Variants in ZNF90 observed in about 807,000 individuals in gnomAD.
The protein encoded by ZNF90 is zinc finger protein HTF9.
A neutral mutation model predicts 12.0 loss-of-function variants in ZNF90; 11 were observed. The observed-to-expected ratio is 0.92, with a 90% CI of 0.58 to 1.52. The LOEUF (loss-of-function observed/expected upper bound fraction) is 1.52. ZNF90 is among the 40% of genes most tolerant of loss of function. ZNF90 has a pLI of 0.00. For missense variants in ZNF90, 765 were observed against 711.5 expected (o/e 1.08, Z -0.86); for synonymous variants, 232 against 240.1 (o/e 0.97, Z 0.31).
intron 3 of ZNF90, among the ~76,000 whole-genome samples, chr19:20,111,736 T>G (rs1427821651): frequency 6.6e-6 from 1 of 152,202 alleles, no homozygotes; most frequent in Non-Finnish European, 1.5e-5. Flanking sequence ...ACATACATCT[T>G]AAAGTTAAAA....
rs1276463658 is a variant in ZNF90, at chr19:20,121,068, CAT to C, written c.*1709_*1710del. ...TAGTGTTCAGAGTAATACTTTTCTACATTATAGTGAGAGAAATTATGAATTAC... is the reference window on the plus strand; with the variant it reads ...TAGTGTTCAGAGTAATACTTTTCTACTATAGTGAGAGAAATTATGAATTAC... On this transcript the variant is annotated 3_prime_UTR_variant, in exon 4 of 4. Coordinates refer to ENST00000418063, the MANE Select transcript of ZNF90 (RefSeq NM_007138.2). The C allele has an allele frequency of 1.3e-4, 24 of 177,984 alleles. No homozygotes were observed. The highest frequency in any genetic ancestry group is 5.4e-3 in the Middle Eastern group (2 of 368). The allele number at this position is 177,984 out of a possible 1,614,324, so 11.0% of individuals were successfully genotyped here.
chr19:20,118,396 G>C lies in ZNF90; in HGVS notation c.842G>C (p.Gly281Ala). 6.2e-7 allele frequency: 1 copy of C among 1,607,382 alleles called. No homozygotes were observed. ...ACTGCACATAAGAGAATTCATACTG[G>C]AGAGAAACCCTACAAGTGTGATAAA... ...TLTAHKRIHT[G>A]EKPYKCDKCG... The change falls in exon 4 of 4, where the codon GGA (glycine) becomes GCA (alanine). Residue 281 changes from glycine to alanine, a missense_variant. Physicochemically the swap from Gly to Ala is moderately conservative, Grantham distance 60 (BLOSUM62 0). Transcript: ENST00000418063.
chr19:20,112,534 C>T (rs1193992216), intron 3 of ZNF90, among the ~76,000 whole-genome samples: 1 of 151,682 alleles, frequency 6.6e-6, no homozygotes, highest in Non-Finnish European at 1.5e-5. Context: ...GTTGTTTAGG[C>T]TGGTCTCAGA....
At chr19:20,112,480 C>T (rs1282034451) in intron 3 of ZNF90, among the ~76,000 whole-genome samples, 2 of 151,874 alleles carry the variant, frequency 1.3e-5, no homozygotes, top group Non-Finnish European at 2.9e-5. Flanking sequence ...TGCCACCACA[C>T]CTGGGTAATT....
chr19:20,103,040 G>A (rs1193891961), intron 1 of ZNF90, among the ~76,000 whole-genome samples: 1 of 152,184 alleles, frequency 6.6e-6, no homozygotes, highest in Non-Finnish European at 1.5e-5. Flanking sequence ...ACCAGGTCGT[G>A]GGGGTGACAA....
rs1555706053 is a variant in ZNF90 at position 20,118,531 on chromosome 19, C to T, written c.977C>T (p.Ser326Leu). The T allele has an allele frequency of 3.1e-6, 5 of 1,613,380 alleles. No homozygotes were observed. The Admixed American group carries it at 8.3e-5, about 27-fold the overall frequency. ...EECGKAFKLS[S>L]ILSTHKRIHT... ...TGTGGCAAAGCCTTCAAGCTCTCCT[C>T]AATCCTTAGTACACATAAGAGAATC... Residue 326 changes from serine (S) to leucine (L), a missense_variant, in exon 4 of 4, where the codon TCA becomes TTA. Physicochemically the swap from Ser to Leu is moderately radical, Grantham distance 145 (BLOSUM62 -2). Coordinates refer to ENST00000418063, the MANE Select transcript of ZNF90 (RefSeq NM_007138.2).
At chr19:20,080,700 A>G (rs1190278933) in intron 1 of ZNF90, among the ~76,000 whole-genome samples, 6 of 152,144 alleles carry the variant, frequency 3.9e-5, no homozygotes, top group Non-Finnish European at 8.8e-5. Context: ...GGTGTCCCCA[A>G]TTTTCAAACA....
chr19:20,105,002 A>AAAAC (rs1422465202), intron 2 of ZNF90, among the ~76,000 whole-genome samples: 208 of 152,126 alleles, frequency 1.4e-3, no homozygotes, highest in African/African-American at 4.5e-3. Context: ...GAAAAAACAA[A>AAAAC]AAACAAACAA....
At chr19:20,086,034 C>G (rs2088856586) in intron 1 of ZNF90, among the ~76,000 whole-genome samples, 1 of 151,990 alleles carries the variant, frequency 6.6e-6, no homozygotes, top group Non-Finnish European at 1.5e-5. Flanking sequence ...TGTCAGAAAC[C>G]TGATGATCCA....
intron 1 of ZNF90, among the ~76,000 whole-genome samples, chr19:20,088,768 G>T (rs1340890314): frequency 6.6e-6 from 1 of 152,220 alleles, no homozygotes; most frequent in African/African-American, 2.4e-5. Context: ...TGCTAGCAGA[G>T]AAGTCATTAC....
chr19:20,106,044 CTTTTTTTTT>C (rs56933917), intron 3 of ZNF90, among the ~76,000 whole-genome samples: 6 of 71,058 alleles, frequency 8.4e-5, no homozygotes, highest in East Asian at 9.0e-4. Flanking sequence ...CTAATTTTTT[CTTTTTTTTT>C]TTTTTTTTTT....
intron 1 of ZNF90, among the ~76,000 whole-genome samples, chr19:20,090,639 C>G (rs1156280420): frequency 5.3e-5 from 8 of 152,120 alleles, no homozygotes; most frequent in Non-Finnish European, 8.8e-5. Flanking sequence ...GGCTGGCGAT[C>G]TGGAGTAGGT....
At chr19:20,107,530 C>G (rs1215021272) in intron 3 of ZNF90, among the ~76,000 whole-genome samples, 1 of 152,162 alleles carries the variant, frequency 6.6e-6, no homozygotes, top group African/African-American at 2.4e-5. Flanking sequence ...ATGCAGGTCT[C>G]AAAATCCTGG....
intron 1 of ZNF90, among the ~76,000 whole-genome samples, chr19:20,098,934 C>T (rs2122498687): frequency 6.6e-6 from 1 of 152,184 alleles, no homozygotes; most frequent in Middle Eastern, 3.4e-3. Context: ...AATAGATAAG[C>T]TAGTTGCTTC....
At position 20,102,010 on chromosome 19, in the gene ZNF90, A is replaced by T. The variant is rs1443631128; in HGVS notation, c.4-2229A>T. 9.9e-5 allele frequency among the ~76,000 whole-genome samples: 15 copies of T among 152,214 alleles called. 1 individual carries two copies. The highest frequency in any genetic ancestry group is 1.8e-4 in the Non-Finnish European group (12 of 68,046). ...TCCATGTCATAGCTTCTTATATGCC[A>T]TGCAGAATTCTTAGCAAGAATTTAT... On this transcript the variant is annotated intron_variant, in intron 1 of 3. Transcript: ENST00000418063.
At chr19:20,081,048 A>C (rs977486201) in intron 1 of ZNF90, among the ~76,000 whole-genome samples, 3 of 152,148 alleles carry the variant, frequency 2.0e-5, no homozygotes, top group Admixed American at 6.5e-5. Context: ...TTAGAGGAAA[A>C]GAGCTCTGAT....
chr19:20,110,364 T>TTC (rs2089077401), intron 3 of ZNF90, among the ~76,000 whole-genome samples: 5 of 152,140 alleles, frequency 3.3e-5, no homozygotes, highest in Admixed American at 6.5e-5. Context: ...CTGCAACCCC[T>TTC]GCCTCCTGGG....
At position 20,110,317 on chromosome 19, in the gene ZNF90, T is replaced by C. The variant is rs553160588; in HGVS notation, c.226+5001T>C. The stretch of plus-strand genomic sequence containing the variant: ...TTTTTGAGATGGAGTCTTGCTCTGT[T>C]GCCCAGGCTGGAGTGCAGTGGTGTG... On this transcript the variant is annotated intron_variant, in intron 3 of 3. Coordinates refer to ENST00000418063, the MANE Select transcript of ZNF90 (RefSeq NM_007138.2). 7.6e-4 allele frequency among the ~76,000 whole-genome samples: 116 copies of C among 152,224 alleles called. 1 individual carries two copies. The highest frequency in any genetic ancestry group is 1.3e-3 in the Non-Finnish European group (85 of 67,998).
intron 3 of ZNF90, among the ~76,000 whole-genome samples, chr19:20,113,132 G>A (rs1193756633): frequency 2.0e-5 from 3 of 151,154 alleles, no homozygotes; most frequent in African/African-American, 7.3e-5. Flanking sequence ...CTGTAGTTTT[G>A]TGTCACTTGT....
Sources: allele counts gnomAD v4.1 joint callset (sites outside exome capture counted in the v4.1 genomes callset), GRCh38; gene constraint gnomAD v4.1.1; transcripts MANE v1.5; gene names NCBI Gene and HGNC (gene_info 2026-07-23, HGNC 2026-07-21).